The following FUT9 variants were observed in gnomAD, a reference collection of about 807,000 sequenced individuals.
FUT9 encodes the protein fucosyltransferase 9, also known as 4-galactosyl-N-acetylglucosaminide 3-alpha-L-fucosyltransferase 9.
In FUT9, 15 loss-of-function variants were observed where a neutral mutation model predicts 29.7. The observed-to-expected ratio is 0.51, with a 90% CI of 0.34 to 0.78. FUT9 has a LOEUF of 0.78. Among genes scored for constraint, FUT9 ranks in the 30% least tolerant of loss-of-function variants. The pLI is 0.01. For missense variants in FUT9, 319 were observed against 425.4 expected, an observed-to-expected ratio of 0.75 and a Z score of 2.20; for synonymous variants, 169 against 153.7, an observed-to-expected ratio of 1.10 and a Z score of -0.74.
At chr6:96,136,725 T>C (rs910189772) in intron 2 of FUT9, among the ~76,000 whole-genome samples, 1 of 151,904 alleles carries the variant, frequency 6.6e-6, no homozygotes, top group African/African-American at 2.4e-5. Context: ...TCCAAAGAAA[T>C]GTAGTCATAA....
At chr6:96,135,230 T>C (rs771630371) in intron 2 of FUT9, among the ~76,000 whole-genome samples, 2 of 151,988 alleles carry the variant, frequency 1.3e-5, no homozygotes, top group Non-Finnish European at 2.9e-5. Flanking sequence ...CAAATGTTAG[T>C]ATATGTACAG....
At chr6:96,194,137 G>A (rs1463947770) in intron 2 of FUT9, among the ~76,000 whole-genome samples, 2 of 152,148 alleles carry the variant, frequency 1.3e-5, no homozygotes, top group Non-Finnish European at 2.9e-5. Context: ...CACCAACATG[G>A]CACATGTGTA....
At chr6:96,156,734 A>G (rs1036706438) in intron 2 of FUT9, among the ~76,000 whole-genome samples, 1 of 152,196 alleles carries the variant, frequency 6.6e-6, no homozygotes, top group African/African-American at 2.4e-5. Context: ...GTCTGCCTAA[A>G]GCAAGCTGGC....
At chr6:96,022,884 T>G (rs530647845) in intron 1 of FUT9, among the ~76,000 whole-genome samples, 1 of 151,932 alleles carries the variant, frequency 6.6e-6, no homozygotes. Flanking sequence ...ATATCCTGTA[T>G]GTTAAGGAGG....
intron 1 of FUT9, among the ~76,000 whole-genome samples, chr6:96,113,722 C>T (rs1015354393): frequency 1.6e-4 from 24 of 151,676 alleles, no homozygotes; most frequent in Admixed American, 5.2e-4. Context: ...GGCGTGGTGG[C>T]GGGCGCCTGT....
intron 1 of FUT9, among the ~76,000 whole-genome samples, chr6:96,069,776 G>A (rs9404185): frequency 0.59 from 88,806 of 151,638 alleles, 26,128 homozygotes; most frequent in South Asian, 0.64. Flanking sequence ...AACTACAGGC[G>A]CGCGCCACCA....
chr6:96,068,844 T>G (rs1404758184), intron 1 of FUT9, among the ~76,000 whole-genome samples: 1 of 152,114 alleles, frequency 6.6e-6, no homozygotes, highest in African/African-American at 2.4e-5. Context: ...AAGCTACCCA[T>G]ATATGGAGAA....
intron 2 of FUT9, among the ~76,000 whole-genome samples, chr6:96,139,483 C>T (rs1458187378): frequency 6.6e-6 from 1 of 152,168 alleles, no homozygotes; most frequent in East Asian, 1.9e-4. Flanking sequence ...CTCCTTCTCA[C>T]AGCTCCACTA....
chr6:96,198,364 A>C (rs1457098232), intron 2 of FUT9, among the ~76,000 whole-genome samples: 1 of 150,664 alleles, frequency 6.6e-6, no homozygotes, highest in African/African-American at 2.4e-5. Context: ...GAGAATATGC[A>C]GTGTTTGGTT....
chr6:96,017,678 C>A (rs1476152449), intron 1 of FUT9, among the ~76,000 whole-genome samples: 1 of 152,214 alleles, frequency 6.6e-6, no homozygotes, highest in African/African-American at 2.4e-5. Context: ...ATAAGAATAT[C>A]CAGAAATAAA....
At chr6:96,044,338 C>T (rs1770521175) in intron 1 of FUT9, among the ~76,000 whole-genome samples, 1 of 152,076 alleles carries the variant, frequency 6.6e-6, no homozygotes, top group African/African-American at 2.4e-5. Flanking sequence ...CTTTTGTTGG[C>T]ACAAAGAGAC....
chr6:96,106,806 G>T (rs185272070), intron 1 of FUT9, among the ~76,000 whole-genome samples: 45 of 152,252 alleles, frequency 3.0e-4, no homozygotes, highest in African/African-American at 8.9e-4. Flanking sequence ...TAGAGCTAGA[G>T]AAATGAAGAG....
In FUT9 at chr6:96,143,951, A is replaced by G. The variant is rs139445000; in HGVS notation, c.-9+29824A>G. 5.2e-3 allele frequency among the ~76,000 whole-genome samples: 786 copies of G among 152,304 alleles called. 2 individuals carry two copies. The highest frequency in any genetic ancestry group is 9.1e-3 in the Non-Finnish European group (616 of 68,026). ...TGGAAATAGGTAATGCTGGTTGTGT[A>G]CTTAGAAAGCCCCAATTCAGCAAGT... On this transcript the variant is annotated intron_variant, in intron 2 of 2. Coordinates refer to ENST00000302103, the MANE Select transcript of FUT9 (RefSeq NM_006581.4).
intron 1 of FUT9, among the ~76,000 whole-genome samples, chr6:96,023,597 T>A (rs1770111176): frequency 6.6e-6 from 1 of 151,860 alleles, no homozygotes; most frequent in Non-Finnish European, 1.5e-5. Flanking sequence ...AAGCCAGTGG[T>A]ATAGAAAAGC....
At chr6:96,195,715 T>C (rs995978093) in intron 2 of FUT9, among the ~76,000 whole-genome samples, 1 of 152,152 alleles carries the variant, frequency 6.6e-6, no homozygotes, top group Admixed American at 6.6e-5. Flanking sequence ...TTGCACGTGT[T>C]CTTAGCATAA....
At chr6:96,113,754 T>C (rs1183955144) in intron 1 of FUT9, among the ~76,000 whole-genome samples, 3 of 150,758 alleles carry the variant, frequency 2.0e-5, no homozygotes, top group African/African-American at 7.3e-5. Flanking sequence ...CTCAGGAGGC[T>C]GAGGCCGGAG....
chr6:96,024,045 A>G (rs1223629014), intron 1 of FUT9, among the ~76,000 whole-genome samples: 1 of 151,908 alleles, frequency 6.6e-6, no homozygotes, highest in East Asian at 1.9e-4. Context: ...AGAAAATACA[A>G]CAGTACATGG....
At chr6:96,195,188 G>A (rs1384540970) in intron 2 of FUT9, among the ~76,000 whole-genome samples, 2 of 152,076 alleles carry the variant, frequency 1.3e-5, no homozygotes, top group African/African-American at 2.4e-5. Context: ...CAAAAATGAA[G>A]GAAGAAGAAA....
At chr6:96,147,648 T>C (rs1291879376) in intron 2 of FUT9, among the ~76,000 whole-genome samples, 4 of 151,996 alleles carry the variant, frequency 2.6e-5, no homozygotes, top group Non-Finnish European at 5.9e-5. Flanking sequence ...CTAGAAGCAA[T>C]GTGAACATTT....
Sources: allele counts gnomAD v4.1 joint callset (sites outside exome capture counted in the v4.1 genomes callset), GRCh38; gene constraint gnomAD v4.1.1; transcripts MANE v1.5; gene names NCBI Gene and HGNC (gene_info 2026-07-23, HGNC 2026-07-21).